The following MYO1D variants were observed in gnomAD, a reference collection of about 807,000 sequenced individuals.
MYO1D encodes the protein unconventional myosin-Id.
Under a neutral mutation model 122.0 loss-of-function variants are expected in MYO1D, and 83 were observed. The ratio of observed to expected loss-of-function variants is 0.68; its 90% CI spans 0.57 to 0.82. The LOEUF is 0.82. Among genes scored for constraint, MYO1D ranks in the 40% least tolerant of loss-of-function variants. The pLI, the probability that MYO1D is intolerant of heterozygous loss-of-function variation, is 0.00. For missense variants in MYO1D, 1,157 were observed against 1,269.5 expected (o/e 0.91, Z 1.35); for synonymous variants, 464 against 446.9 (o/e 1.04, Z -0.48).
At chr17:32,822,572 T>G (rs1055159519) in intron 1 of MYO1D, among the ~76,000 whole-genome samples, 1 of 140,592 alleles carries the variant, frequency 7.1e-6, no homozygotes, top group Non-Finnish European at 1.6e-5. Flanking sequence ...CCGGGGAGCG[T>G]GGGTGGGAAC....
chr17:32,605,393 G>T, intron 20 of MYO1D, 152 bp from the exon 21 acceptor site: 1 of 591,166 alleles, frequency 1.7e-6, no homozygotes, highest in Non-Finnish European at 2.7e-6. Flanking sequence ...CCTGGAGTTT[G>T]AATCCAGCCT....
At chr17:32,544,328 T>C (rs2086946099) in intron 21 of MYO1D, among the ~76,000 whole-genome samples, 1 of 151,836 alleles carries the variant, frequency 6.6e-6, no homozygotes, top group Non-Finnish European at 1.5e-5. Context: ...CTTGAACTCC[T>C]AGGTTCAAGC....
chr17:32,808,354 G>A (rs1470229769), intron 1 of MYO1D, among the ~76,000 whole-genome samples: 1 of 149,520 alleles, frequency 6.7e-6, no homozygotes, highest in African/African-American at 2.5e-5. Context: ...CAGCTTGGAT[G>A]AGAGCCTGTC....
chr17:32,497,907 C>T (rs557395775), intron 21 of MYO1D: 9 of 152,544 alleles, frequency 5.9e-5, no homozygotes, highest in African/African-American at 2.2e-4. Flanking sequence ...GCCAGCCCCA[C>T]AGCTGCTCAG....
At chr17:32,844,437 A>ATATATGTGTATATATAT (rs1411219066) in intron 1 of MYO1D, among the ~76,000 whole-genome samples, 2,451 of 147,166 alleles carry the variant, frequency 0.017, 82 homozygotes, top group African/African-American at 0.057. Flanking sequence ...TATAATATGT[A>ATATATGTGTATATATAT]TATATATAAT....
intron 20 of MYO1D, among the ~76,000 whole-genome samples, chr17:32,615,167 A>C (rs2087755479): frequency 6.6e-6 from 1 of 152,216 alleles, no homozygotes; most frequent in Non-Finnish European, 1.5e-5. Flanking sequence ...GGGTGCTCCT[A>C]TAACATAATC....
intron 1 of MYO1D, among the ~76,000 whole-genome samples, chr17:32,842,886 CTTTTTTTT>C: frequency 9.6e-6 from 1 of 104,454 alleles, no homozygotes; most frequent in South Asian, 3.2e-4. Context: ...CTATTTCTTT[CTTTTTTTT>C]TTTTTTTTTT....
chr17:32,554,139 T>C (rs367663791), intron 21 of MYO1D, among the ~76,000 whole-genome samples: 9 of 152,328 alleles, frequency 5.9e-5, no homozygotes, highest in South Asian at 2.1e-4. Context: ...CTGTTCAATA[T>C]GTTCTTTCCT....
At chr17:32,578,211 CCTAAGTT>C (rs1194251879) in intron 21 of MYO1D, among the ~76,000 whole-genome samples, 1 of 152,184 alleles carries the variant, frequency 6.6e-6, no homozygotes, top group South Asian at 2.1e-4. Flanking sequence ...TGTTAATGGT[CCTAAGTT>C]CTTTTATTCA....
chr17:32,568,186 C>CAA (rs386385913), intron 21 of MYO1D, among the ~76,000 whole-genome samples: 24,852 of 124,154 alleles, frequency 0.2, 2,695 homozygotes, highest in Middle Eastern at 0.32. Flanking sequence ...TGCGTTATTA[C>CAA]AAAAAAAAAA....
rs148150618 is a variant in MYO1D, at chr17:32,504,010, C to T, written c.2865-9095G>A. On this transcript the variant is annotated intron_variant, in intron 21 of 21. Coordinates refer to ENST00000318217, the MANE Select transcript of MYO1D (RefSeq NM_015194.3). ...ACCAGGCCAAGTCCAGGAGTGGTGG[C>T]GTGGTGCTTCCTGGCATACTGAGTC... 3.4e-3 allele frequency among the ~76,000 whole-genome samples: 519 copies of T among 152,332 alleles called. 7 individuals carry two copies. The highest frequency in any genetic ancestry group is 0.018 in the Admixed American group (273 of 15,308).
At chr17:32,756,568 T>C (rs1198174317) in intron 10 of MYO1D, among the ~76,000 whole-genome samples, 4 of 150,522 alleles carry the variant, frequency 2.7e-5, no homozygotes, top group Admixed American at 1.3e-4. Flanking sequence ...TAAACTCCAC[T>C]TAAAACGGAA....
intron 21 of MYO1D, among the ~76,000 whole-genome samples, chr17:32,604,422 A>G (rs1264932815): frequency 6.6e-6 from 1 of 152,212 alleles, no homozygotes; most frequent in Non-Finnish European, 1.5e-5. Flanking sequence ...CCTTATGGGA[A>G]GAGAAATCCA....
intron 20 of MYO1D, among the ~76,000 whole-genome samples, chr17:32,631,384 T>G (rs1442669928): frequency 6.6e-6 from 1 of 152,226 alleles, no homozygotes; most frequent in Non-Finnish European, 1.5e-5. Flanking sequence ...CTCATGCCTG[T>G]AATTCCAGCA....
chr17:32,842,454 G>A (rs2151074858), intron 1 of MYO1D, among the ~76,000 whole-genome samples: 1 of 152,222 alleles, frequency 6.6e-6, no homozygotes, highest in Admixed American at 6.5e-5. Flanking sequence ...TTCTTGATTA[G>A]AAATATGCAG....
chr17:32,553,635 A>AC (rs904000412), intron 21 of MYO1D, among the ~76,000 whole-genome samples: 7 of 152,136 alleles, frequency 4.6e-5, no homozygotes, highest in African/African-American at 1.4e-4. Flanking sequence ...TTCTCTCGGC[A>AC]CTGCTGTCAT....
At chr17:32,673,374 G>C (rs1295635382) in intron 16 of MYO1D, among the ~76,000 whole-genome samples, 2 of 151,862 alleles carry the variant, frequency 1.3e-5, no homozygotes, top group African/African-American at 4.8e-5. Context: ...AAAGTGCTAG[G>C]ATTACAGGCA....
intron 1 of MYO1D, among the ~76,000 whole-genome samples, chr17:32,876,398 G>T (rs1008657907): frequency 1.1e-4 from 17 of 152,158 alleles, no homozygotes; most frequent in Non-Finnish European, 2.2e-4. Context: ...CGCAACTCTC[G>T]TTCAAGTTAT....
intron 1 of MYO1D, among the ~76,000 whole-genome samples, chr17:32,854,823 T>C (rs551331640): frequency 5.1e-4 from 77 of 152,074 alleles, no homozygotes; most frequent in Non-Finnish European, 6.2e-4. Context: ...AATACATGAA[T>C]TGAAAGTAGA....
Sources: allele counts gnomAD v4.1 joint callset (sites outside exome capture counted in the v4.1 genomes callset), GRCh38; gene constraint gnomAD v4.1.1; transcripts MANE v1.5; gene names NCBI Gene and HGNC (gene_info 2026-07-23, HGNC 2026-07-21).